FMN1: variants seen among roughly 807,000 people sequenced by gnomAD.
FMN1 encodes the protein formin-1.
FMN1 carries 110 observed loss-of-function variants against 132.4 expected under a neutral mutation model. The observed-to-expected ratio is 0.83, with a 90% CI of 0.71 to 0.97. The LOEUF (loss-of-function observed/expected upper bound fraction) is 0.97. FMN1 is among the 50% of genes least tolerant of loss of function. The pLI is 0.00. For synonymous variants in FMN1, 722 were observed against 651.7 expected (o/e 1.11, Z -1.64); for missense variants, 1,792 against 1,705.3 (o/e 1.05, Z -0.90).
At chr15:33,145,498 TTATGGCAGTCCTC>T (rs1241508266) in intron 4 of FMN1, among the ~76,000 whole-genome samples, 1 of 151,882 alleles carries the variant, frequency 6.6e-6, no homozygotes, top group African/African-American at 2.4e-5. Context: ...ACTGCTTTTT[TTATGGCAGTCCTC>T]TCTCCCTATC....
In FMN1 at chr15:32,957,298, C is replaced by CTTTTTTTTTTTTT. The variant is rs869111673; in HGVS notation, c.3138+6796_3138+6808dup. On this transcript the variant is annotated intron_variant, in intron 9 of 20. Coordinates refer to ENST00000616417, the MANE Select transcript of FMN1 (RefSeq NM_001277313.2). ...AATTGGAAAGTTTATCAGAGCAGTTCTTTTTTTTTTTTTTTTTTTTTTTTT... is the reference window on the plus strand; with the variant it reads ...AATTGGAAAGTTTATCAGAGCAGTTCTTTTTTTTTTTTTTTTTTTTTTTTTTTTTTTTTTTTTT... Among the ~76,000 whole-genome samples the CTTTTTTTTTTTTT allele has an allele frequency of 4.8e-5, 4 of 84,178 alleles. 1 individual carries two copies. The highest frequency in any genetic ancestry group is 1.4e-4 in the African/African-American group (3 of 22,062). 55.2% of individuals were successfully genotyped at this position (84,178 alleles called of 152,430 possible).
At chr15:32,917,295 T>A (rs2060707899) in intron 10 of FMN1, among the ~76,000 whole-genome samples, 1 of 152,198 alleles carries the variant, frequency 6.6e-6, no homozygotes, top group Non-Finnish European at 1.5e-5. Context: ...ATACCTTGTG[T>A]TTCTCCTACT....
At chr15:33,117,213 G>A (rs540710664) in intron 4 of FMN1, among the ~76,000 whole-genome samples, 3 of 152,276 alleles carry the variant, frequency 2.0e-5, no homozygotes, top group Admixed American at 6.5e-5. Flanking sequence ...AAGAGAGAGA[G>A]AGAAAACAAA....
chr15:33,181,530 G>A (rs1965700165), intron 2 of FMN1, among the ~76,000 whole-genome samples: 1 of 152,120 alleles, frequency 6.6e-6, no homozygotes, highest in Non-Finnish European at 1.5e-5. Flanking sequence ...ACCTTCCCCA[G>A]CACACAGGAT....
chr15:32,964,376 CTAA>C, intron 8 of FMN1, 119 bp from the exon 9 acceptor site: 1 of 728,432 alleles, frequency 1.4e-6, no homozygotes, highest in Non-Finnish European at 2.2e-6. Flanking sequence ...ACATAAAACT[CTAA>C]TAATGCTTGG....
intron 6 of FMN1, among the ~76,000 whole-genome samples, chr15:33,037,059 G>A (rs567325489): frequency 2.6e-5 from 4 of 152,244 alleles, no homozygotes; most frequent in East Asian, 1.9e-4. Flanking sequence ...ATTCACATCT[G>A]ATTTCAAAAT....
chr15:33,004,323 C>T (rs1449220485), intron 7 of FMN1, among the ~76,000 whole-genome samples: 4 of 152,164 alleles, frequency 2.6e-5, no homozygotes, highest in African/African-American at 9.7e-5. Context: ...CCAGAATCTA[C>T]AGTGAACTCA....
At position 32,970,958 on chromosome 15, in the gene FMN1, G is replaced by A. The variant is rs906118986; in HGVS notation, c.2224-1481C>T. ...TGGACACGGTCTGAGCCAACTCTGA[G>A]GGAAGGGGCTAGCTCTGGACACCGT... On this transcript the variant is annotated intron_variant, in intron 7 of 20. Coordinates refer to ENST00000616417, the MANE Select transcript of FMN1 (RefSeq NM_001277313.2). Among the ~76,000 whole-genome samples, 8 of 152,336 alleles carry A rather than the reference G, an allele frequency of 5.3e-5. No individual in the cohort carries two copies. In the East Asian group the frequency reaches 1.3e-3, roughly 26 times the overall value.
chr15:32,885,567 A>ACC (rs2059877512), intron 16 of FMN1, among the ~76,000 whole-genome samples: 1 of 152,202 alleles, frequency 6.6e-6, no homozygotes, highest in African/African-American at 2.4e-5. Flanking sequence ...CTGCCTCACA[A>ACC]GGTCACTGCA....
chr15:32,817,061 A>G (rs748546817), intron 17 of FMN1, among the ~76,000 whole-genome samples: 2 of 152,264 alleles, frequency 1.3e-5, no homozygotes, highest in Non-Finnish European at 2.9e-5. Context: ...GATTTACAAT[A>G]TACAGCATCA....
At chr15:33,066,854 T>C in intron 5 of FMN1, 1 of 1,613,992 alleles carries the variant, frequency 6.2e-7, no homozygotes, top group Non-Finnish European at 8.5e-7. Flanking sequence ...CAGAGAGAGC[T>C]GCTCCAGGAG....
intron 16 of FMN1, among the ~76,000 whole-genome samples, chr15:32,862,348 T>C (rs1425579143): frequency 6.6e-6 from 1 of 152,238 alleles, no homozygotes; most frequent in East Asian, 1.9e-4. Context: ...TTTTTCTCTT[T>C]ACACAATTTT....
intron 5 of FMN1, among the ~76,000 whole-genome samples, chr15:33,073,493 G>T (rs1020380551): frequency 6.6e-6 from 1 of 152,158 alleles, no homozygotes; most frequent in Non-Finnish European, 1.5e-5. Context: ...TAAAGATATG[G>T]GTAGGTTAAT....
intron 4 of FMN1, among the ~76,000 whole-genome samples, chr15:33,138,275 G>A (rs1326563672): frequency 1.3e-5 from 2 of 152,176 alleles, no homozygotes; most frequent in African/African-American, 4.8e-5. Flanking sequence ...TTTCTATCGA[G>A]TAACCTAAAG....
intron 6 of FMN1, among the ~76,000 whole-genome samples, chr15:33,023,199 G>C (rs1347608497): frequency 1.3e-5 from 2 of 151,380 alleles, no homozygotes; most frequent in African/African-American, 4.9e-5. Context: ...ACTTAGTCTG[G>C]GGGTCTTACC....
rs1215794413 is a variant in FMN1, at chr15:32,769,079, A to G, written c.*5231T>C. ...GTAAGTTCCACCAGACAGCAGACCT[A>G]CTGAATGAGGCTTAATTTGCTTCCC... is the stretch of plus-strand genomic sequence containing the variant. On this transcript the variant is annotated 3_prime_UTR_variant, in exon 21 of 21. Coordinates refer to ENST00000616417, the MANE Select transcript of FMN1 (RefSeq NM_001277313.2). The G allele has an allele frequency of 6.6e-6, 1 of 152,236 alleles. No individual in the cohort carries two copies. The allele number at this position is 152,236 out of a possible 1,614,324, so 9.4% of individuals were successfully genotyped here. A position where few individuals can be genotyped will look rare whatever the true frequency, so the allele number is the denominator to read the frequency against.
intron 7 of FMN1, among the ~76,000 whole-genome samples, chr15:32,984,362 G>C (rs1447588941): frequency 2.0e-5 from 3 of 152,050 alleles, no homozygotes; most frequent in African/African-American, 7.2e-5. Context: ...AGTGCAATTA[G>C]CACAGTTTCC....
intron 9 of FMN1, among the ~76,000 whole-genome samples, chr15:32,963,726 A>G (rs2140597542): frequency 6.6e-6 from 1 of 152,222 alleles, no homozygotes; most frequent in East Asian, 1.9e-4. Context: ...CTACAAATTA[A>G]ATTTTATTTT....
intron 5 of FMN1, chr15:33,067,822 G>A (rs994821374): frequency 1.1e-5 from 17 of 1,613,736 alleles, no homozygotes; most frequent in East Asian, 2.2e-5. Context: ...CTTCAAGTCC[G>A]GCTTCTGGTT....
Sources: gnomAD v4.1 joint callset for allele counts (sites outside exome capture counted in the v4.1 genomes callset) on GRCh38, gnomAD v4.1.1 for gene constraint, MANE v1.5 for transcripts, NCBI Gene and HGNC (gene_info 2026-07-23, HGNC 2026-07-21) for gene names.